TMEM135: variants seen among roughly 807,000 people sequenced by gnomAD.
TMEM135 encodes peroxisomal membrane protein 52.
A neutral mutation model predicts 60.3 loss-of-function variants in TMEM135; 30 were observed. The observed-to-expected ratio is 0.50, with a 90% CI of 0.37 to 0.68. TMEM135 has a LOEUF of 0.68. Ranked by LOEUF, TMEM135 falls within the 30% of genes least tolerant of loss-of-function variation. The pLI, the probability that TMEM135 is intolerant of heterozygous loss-of-function variation, is 0.00. For missense variants in TMEM135, 468 were observed against 548.8 expected, an observed-to-expected ratio of 0.85 and a Z score of 1.47; for synonymous variants, 190 against 186.7, an observed-to-expected ratio of 1.02 and a Z score of -0.14.
chr11:87,195,387 T>TCTCTCTC (rs1565482212), intron 5 of TMEM135, among the ~76,000 whole-genome samples: 2 of 70,676 alleles, frequency 2.8e-5, no homozygotes, highest in East Asian at 3.2e-4. Flanking sequence ...CCTTCCTTCC[T>TCTCTCTC]TCCTTCTCTC....
chr11:87,179,724 G>A (rs898568716), intron 5 of TMEM135, among the ~76,000 whole-genome samples: 1 of 152,012 alleles, frequency 6.6e-6, no homozygotes, highest in African/African-American at 2.4e-5. Context: ...AAAAACAGTT[G>A]ACCATAAATA....
intron 3 of TMEM135, among the ~76,000 whole-genome samples, chr11:87,073,995 T>G (rs1378229438): frequency 1.3e-5 from 2 of 152,068 alleles, no homozygotes; most frequent in African/African-American, 4.8e-5. Context: ...GGACAGAGTC[T>G]CACTCCGTCA....
chr11:87,209,672 A>G lies in TMEM135; in HGVS notation c.463-26966A>G, dbSNP rs541048349. Among the ~76,000 whole-genome samples, 22 of 152,246 alleles carry G rather than the reference A, an allele frequency of 1.4e-4. 1 individual carries two copies. The South Asian group carries it at 2.7e-3, about 19-fold the overall frequency. On this transcript the variant is annotated intron_variant, in intron 5 of 14. Coordinates refer to ENST00000305494, the MANE Select transcript of TMEM135 (RefSeq NM_022918.4). ...CAAAGATATTCTGGACTTTAACTCA[A>G]CACGACCAGTTGTACCCCATAGAGA...
At chr11:87,291,553 A>T (rs1413382769) in intron 6 of TMEM135, among the ~76,000 whole-genome samples, 3 of 50,270 alleles carry the variant, frequency 6.0e-5, no homozygotes, top group East Asian at 5.1e-4. Flanking sequence ...TTTTTTTGAG[A>T]CAGAGTCTCA....
chr11:87,320,968 G>T (rs1307265724), intron 14 of TMEM135, among the ~76,000 whole-genome samples: 1 of 151,990 alleles, frequency 6.6e-6, no homozygotes, highest in Admixed American at 6.6e-5. Context: ...TTCAGATCTG[G>T]GGATTATCTC....
chr11:87,145,392 G>C (rs1268328876), intron 4 of TMEM135, among the ~76,000 whole-genome samples: 1 of 152,060 alleles, frequency 6.6e-6, no homozygotes, highest in Non-Finnish European at 1.5e-5. Flanking sequence ...AGTGAACATA[G>C]GGGTGCAGAC....
At chr11:87,297,982 A>G (rs975156469) in intron 7 of TMEM135, among the ~76,000 whole-genome samples, 4 of 152,206 alleles carry the variant, frequency 2.6e-5, no homozygotes, top group Non-Finnish European at 5.9e-5. Context: ...ATGTTACTAA[A>G]AGCCAAATAT....
chr11:87,165,492 TA>T (rs1216781068), intron 5 of TMEM135, among the ~76,000 whole-genome samples: 1 of 139,232 alleles, frequency 7.2e-6, no homozygotes, highest in African/African-American at 2.8e-5. Flanking sequence ...GATATTGGTC[TA>T]AAATTCTCTT....
intron 4 of TMEM135, among the ~76,000 whole-genome samples, chr11:87,093,585 C>T (rs186962307): frequency 3.3e-3 from 507 of 152,060 alleles, no homozygotes; most frequent in Non-Finnish European, 4.4e-3. Context: ...GGCTGGAATG[C>T]AGTGGTGTGA....
chr11:87,325,528 C>G lies in TMEM135; in HGVS notation c.*4195C>G. ...CCTCTCTCTCTCTCTCTGTCTGTCT[C>G]TCTTGCTGCTCCCTCTCCCTGCCAC... On this transcript the variant is annotated 3_prime_UTR_variant, in exon 15 of 15. Transcript: ENST00000305494. 1 of 453,968 alleles carries G rather than the reference C, an allele frequency of 2.2e-6. No homozygotes were observed. Among genetic ancestry groups the G allele is most frequent in the Non-Finnish European group, 4.4e-6 (1 of 226,760 alleles). 28.1% of individuals were successfully genotyped at this position (453,968 alleles called of 1,614,324 possible).
chr11:87,295,746 A>T (rs746665370), intron 6 of TMEM135, 36 bp from the exon 7 acceptor site: 3 of 1,554,488 alleles, frequency 1.9e-6, no homozygotes, highest in Non-Finnish European at 2.6e-6. Flanking sequence ...ATCTCAAAAT[A>T]TGTTATTTTA....
At chr11:87,051,137 A>G (rs1174203794) in intron 1 of TMEM135, among the ~76,000 whole-genome samples, 1 of 67,328 alleles carries the variant, frequency 1.5e-5, no homozygotes, top group African/African-American at 1.0e-4. Context: ...AAAAACTCTC[A>G]ATAAATTAGG....
At chr11:87,230,171 G>T (rs1348885664) in intron 5 of TMEM135, among the ~76,000 whole-genome samples, 1 of 151,896 alleles carries the variant, frequency 6.6e-6, no homozygotes, top group Non-Finnish European at 1.5e-5. Context: ...CTTTCTATAG[G>T]TGGACTTGCC....
chr11:87,143,698 G>A (rs1457483510), intron 4 of TMEM135, among the ~76,000 whole-genome samples: 2 of 152,140 alleles, frequency 1.3e-5, no homozygotes, highest in Non-Finnish European at 2.9e-5. Context: ...TAAGCAGTCA[G>A]TCAAGCTTTT....
chr11:87,259,755 A>C (rs1436285041), intron 6 of TMEM135, among the ~76,000 whole-genome samples: 1 of 152,232 alleles, frequency 6.6e-6, no homozygotes, highest in Non-Finnish European at 1.5e-5. Context: ...TGAGCCAGGA[A>C]AATGTTTACC....
At chr11:87,111,935 T>G (rs910970548) in intron 4 of TMEM135, among the ~76,000 whole-genome samples, 11 of 152,146 alleles carry the variant, frequency 7.2e-5, no homozygotes, top group Admixed American at 6.5e-4. Context: ...AAACTCAGGA[T>G]TTGATCCTGG....
chr11:87,105,759 A>G (rs952915986), intron 4 of TMEM135, among the ~76,000 whole-genome samples: 1 of 152,018 alleles, frequency 6.6e-6, no homozygotes, highest in African/African-American at 2.4e-5. Context: ...TTCCTTTTTT[A>G]TTTACAGATT....
intron 5 of TMEM135, among the ~76,000 whole-genome samples, chr11:87,169,640 C>T (rs1939173413): frequency 6.6e-6 from 1 of 152,122 alleles, no homozygotes; most frequent in Non-Finnish European, 1.5e-5. Context: ...TCACTCTCTT[C>T]TTGCTTGTAG....
At chr11:87,155,603 G>T (rs1938674630) in intron 4 of TMEM135, among the ~76,000 whole-genome samples, 1 of 152,164 alleles carries the variant, frequency 6.6e-6, no homozygotes, top group Non-Finnish European at 1.5e-5. Context: ...ACTGACTGAG[G>T]AGATGAAAGG....
Sources: gnomAD v4.1 joint callset for allele counts (sites outside exome capture counted in the v4.1 genomes callset) on GRCh38, gnomAD v4.1.1 for gene constraint, MANE v1.5 for transcripts, NCBI Gene and HGNC (gene_info 2026-07-23, HGNC 2026-07-21) for gene names.